The following PACRG variants were observed in gnomAD, a reference collection of about 807,000 sequenced individuals.
PACRG encodes the protein parkin coregulated gene protein.
A neutral mutation model predicts 29.7 loss-of-function variants in PACRG; 29 were observed. The observed-to-expected ratio is 0.98, with a 90% CI of 0.73 to 1.33. PACRG has a LOEUF of 1.33. Among genes scored for constraint, PACRG ranks in the 40% most tolerant of loss-of-function variants. The pLI, the probability that PACRG is intolerant of heterozygous loss-of-function variation, is 0.00. For synonymous variants in PACRG, 116 were observed against 118.7 expected (o/e 0.98, Z 0.15); for missense variants, 279 against 316.2 (o/e 0.88, Z 0.89).
chr6:162,913,900 A>C (rs769585559), intron 2 of PACRG, among the ~76,000 whole-genome samples: 8 of 152,116 alleles, frequency 5.3e-5, no homozygotes, highest in Non-Finnish European at 8.8e-5. Flanking sequence ...GTCTGCTCAA[A>C]TATTTTGTCC....
chr6:163,312,726 C>G (rs757773497), intron 4 of PACRG: 3 of 401,898 alleles, frequency 7.5e-6, no homozygotes, highest in Non-Finnish European at 1.5e-5. Flanking sequence ...AAAATCTTAT[C>G]TCTTGTTTAT....
chr6:162,795,979 G>GT, intron 1 of PACRG, among the ~76,000 whole-genome samples: 2 of 152,190 alleles, frequency 1.3e-5, no homozygotes, highest in African/African-American at 4.8e-5. Flanking sequence ...TTTTCAGGTG[G>GT]TTTTCTCTGA....
intron 2 of PACRG, among the ~76,000 whole-genome samples, chr6:163,039,180 C>G (rs911927842): frequency 2.0e-5 from 3 of 152,132 alleles, no homozygotes; most frequent in Admixed American, 6.5e-5. Flanking sequence ...GGCAGTTTCC[C>G]CTGCACTCTC....
At chr6:163,115,680 A>G (rs73786971) in intron 4 of PACRG, among the ~76,000 whole-genome samples, 3,649 of 152,244 alleles carry the variant, frequency 0.024, 160 homozygotes, top group African/African-American at 0.083. Context: ...TGAAGTCAGC[A>G]TGCATCTACT....
At chr6:162,876,492 G>T (rs1188846816) in intron 2 of PACRG, among the ~76,000 whole-genome samples, 1 of 152,138 alleles carries the variant, frequency 6.6e-6, no homozygotes, top group Admixed American at 6.5e-5. Flanking sequence ...ATGTTTGATG[G>T]CCGCATAAAT....
chr6:163,283,807 CA>C (rs11342579), intron 4 of PACRG, among the ~76,000 whole-genome samples: 46,112 of 100,290 alleles, frequency 0.46, 7,583 homozygotes, highest in Middle Eastern at 0.53. Flanking sequence ...GACTCCGTCT[CA>C]AAAAAAAAAA....
chr6:163,265,844 A>G (rs1562347153), intron 4 of PACRG, among the ~76,000 whole-genome samples: 1 of 152,200 alleles, frequency 6.6e-6, no homozygotes, highest in Non-Finnish European at 1.5e-5. Flanking sequence ...CTAAACTTTT[A>G]TATTGAGCAT....
At chr6:163,208,598 A>G (rs2128153224) in intron 4 of PACRG, among the ~76,000 whole-genome samples, 2 of 152,322 alleles carry the variant, frequency 1.3e-5, no homozygotes, top group South Asian at 4.1e-4. Flanking sequence ...TTGGATTTCC[A>G]TCTTTTTTGG....
At chr6:163,190,366 A>G (rs890914265) in intron 4 of PACRG, 1 of 152,256 alleles carries the variant, frequency 6.6e-6, no homozygotes, top group African/African-American at 2.4e-5. Flanking sequence ...AACCTTGAGC[A>G]ACGTTGGAAT....
chr6:163,074,818 T>C (rs1812393534), intron 3 of PACRG, among the ~76,000 whole-genome samples: 1 of 152,098 alleles, frequency 6.6e-6, no homozygotes, highest in African/African-American at 2.4e-5. Context: ...AAATATTTGG[T>C]AAACTTAGAA....
At chr6:163,002,963 A>G (rs1472878983) in intron 2 of PACRG, among the ~76,000 whole-genome samples, 2 of 152,110 alleles carry the variant, frequency 1.3e-5, no homozygotes, top group African/African-American at 4.8e-5. Flanking sequence ...TCATGTCCAA[A>G]TTTCTGGCTT....
chr6:162,843,010 C>G (rs1285409673), intron 2 of PACRG, among the ~76,000 whole-genome samples: 31 of 140,380 alleles, frequency 2.2e-4, no homozygotes, highest in African/African-American at 8.4e-4. Context: ...CCCGACCTTT[C>G]TCTCTGGCTG....
chr6:163,164,088 A>T (rs1338873897), intron 4 of PACRG, among the ~76,000 whole-genome samples: 1 of 143,962 alleles, frequency 6.9e-6, no homozygotes. Context: ...TTCCACATTT[A>T]AAAAAAAATG....
intron 1 of PACRG, among the ~76,000 whole-genome samples, chr6:162,741,253 T>C (rs1349073701): frequency 3.3e-5 from 5 of 152,142 alleles, no homozygotes; most frequent in Admixed American, 3.3e-4. Context: ...TGTGTGTTAT[T>C]GCTAGGGTAG....
At chr6:162,963,568 C>A (rs1019899250) in intron 2 of PACRG, among the ~76,000 whole-genome samples, 1 of 149,750 alleles carries the variant, frequency 6.7e-6, no homozygotes, top group African/African-American at 2.4e-5. Flanking sequence ...TTGTGTAATA[C>A]AATGTGTAAA....
chr6:162,877,751 C>T (rs62429013), intron 2 of PACRG, among the ~76,000 whole-genome samples: 32,399 of 152,044 alleles, frequency 0.21, 3,760 homozygotes, highest in Middle Eastern at 0.27. Flanking sequence ...CATAGTGCAA[C>T]GTTCCTTGGT....
At chr6:162,866,799 G>A (rs1490471896) in intron 2 of PACRG, among the ~76,000 whole-genome samples, 1 of 152,106 alleles carries the variant, frequency 6.6e-6, no homozygotes, top group East Asian at 1.9e-4. Flanking sequence ...GCTAAGAAAA[G>A]CAAAGTGCAC....
At chr6:162,789,189 T>C (rs1458179412) in intron 1 of PACRG, among the ~76,000 whole-genome samples, 2 of 152,182 alleles carry the variant, frequency 1.3e-5, no homozygotes, top group African/African-American at 4.8e-5. Context: ...GGAAAATATG[T>C]TTCTTCCCTG....
intron 2 of PACRG, among the ~76,000 whole-genome samples, chr6:163,004,224 TAATA>T (rs1243964752): frequency 6.7e-6 from 1 of 150,236 alleles, no homozygotes; most frequent in Non-Finnish European, 1.5e-5. Context: ...ATATTAGCTA[TAATA>T]AATATATATT....
Sources: gnomAD v4.1 joint callset for allele counts (sites outside exome capture counted in the v4.1 genomes callset) on GRCh38, gnomAD v4.1.1 for gene constraint, MANE v1.5 for transcripts, NCBI Gene and HGNC (gene_info 2026-07-23, HGNC 2026-07-21) for gene names.